Variants in DLGAP1 observed in about 807,000 individuals in gnomAD.
DLGAP1 encodes the protein DLG associated protein 1.
A neutral mutation model predicts 90.8 loss-of-function variants in DLGAP1; 11 were observed. The observed-to-expected ratio is 0.12, with a 90% CI of 0.08 to 0.20. The LOEUF (loss-of-function observed/expected upper bound fraction) is 0.20. Ranked by LOEUF, DLGAP1 falls within the 10% of genes least tolerant of loss-of-function variation. The pLI is 1.00. For missense variants in DLGAP1, 1,050 were observed against 1,333.8 expected (o/e 0.79, Z 3.31); for synonymous variants, 558 against 540.7 (o/e 1.03, Z -0.44).
At chr18:4,287,933 A>AG (rs1400613691) in intron 1 of DLGAP1, among the ~76,000 whole-genome samples, 1 of 152,170 alleles carries the variant, frequency 6.6e-6, no homozygotes, top group Non-Finnish European at 1.5e-5. Flanking sequence ...ACAAAGGCAG[A>AG]GGAGACTGCC....
chr18:3,928,011 T>C (rs1033695481), intron 3 of DLGAP1, among the ~76,000 whole-genome samples: 4 of 152,230 alleles, frequency 2.6e-5, no homozygotes, highest in African/African-American at 9.6e-5. Context: ...TGGGGAATTT[T>C]TGCCCCCTAA....
intron 3 of DLGAP1, among the ~76,000 whole-genome samples, chr18:4,002,838 T>C (rs867541382): frequency 6.6e-6 from 1 of 152,162 alleles, no homozygotes; most frequent in Admixed American, 6.5e-5. Flanking sequence ...AGAGAATATG[T>C]GCACAGTTCA....
intron 12 of DLGAP1, chr18:3,502,159 C>T (rs2049974210): frequency 8.7e-7 from 1 of 1,153,348 alleles, no homozygotes; most frequent in Admixed American, 4.4e-5. Flanking sequence ...GATTCATGCA[C>T]TGAAGATGTC....
intron 4 of DLGAP1, chr18:3,874,838 C>T (rs1200829635): frequency 7.7e-7 from 1 of 1,299,992 alleles, no homozygotes; most frequent in Non-Finnish European, 1.0e-6. Context: ...TTATTAACTG[C>T]AGACAGCTTG....
At chr18:4,013,024 G>A (rs1263788406) in intron 2 of DLGAP1, among the ~76,000 whole-genome samples, 2 of 152,066 alleles carry the variant, frequency 1.3e-5, no homozygotes, top group East Asian at 1.9e-4. Flanking sequence ...TTCTTCTATT[G>A]TGATTGCAAT....
intron 1 of DLGAP1, chr18:4,430,502 C>CTGTGTGTGTGTGTGCGTGTGTG (rs2083263203): frequency 7.0e-6 from 1 of 142,550 alleles, no homozygotes; most frequent in Non-Finnish European, 1.5e-5. Flanking sequence ...TCTTGTGTGT[C>CTGTGTGTGTGTGTGCGTGTGTG]TGTGTGTGTG....
At chr18:3,868,251 C>T (rs2070527132) in intron 4 of DLGAP1, among the ~76,000 whole-genome samples, 1 of 152,116 alleles carries the variant, frequency 6.6e-6, no homozygotes, top group African/African-American at 2.4e-5. Context: ...TTTCAGAAAG[C>T]TCAGGTTTCA....
At chr18:4,439,951 T>G (rs907059377) in intron 1 of DLGAP1, among the ~76,000 whole-genome samples, 4 of 150,242 alleles carry the variant, frequency 2.7e-5, no homozygotes, top group African/African-American at 9.8e-5. Context: ...ACCCCGTAGC[T>G]CTACTAAAAA....
intron 1 of DLGAP1, among the ~76,000 whole-genome samples, chr18:4,197,199 A>AAAAAAAAAAAAAAAAAAAAAAG (rs1555760529): frequency 6.9e-5 from 10 of 144,298 alleles, no homozygotes; most frequent in African/African-American, 2.4e-4. Context: ...AAAAAAAAAA[A>AAAAAAAAAAAAAAAAAAAAAAG]AAAAAAAAAG....
intron 4 of DLGAP1, among the ~76,000 whole-genome samples, chr18:3,815,347 A>C (rs1299753450): frequency 6.6e-6 from 1 of 151,838 alleles, no homozygotes; most frequent in East Asian, 1.9e-4. Flanking sequence ...AAAGGTTTCC[A>C]ATGATCTCCT....
chr18:3,661,110 C>G (rs1323824430), intron 7 of DLGAP1, among the ~76,000 whole-genome samples: 1 of 152,154 alleles, frequency 6.6e-6, no homozygotes, highest in Non-Finnish European at 1.5e-5. Flanking sequence ...GTTTCTTAGG[C>G]TGGTCTCAAA....
chr18:4,087,672 A>AGG, intron 2 of DLGAP1, among the ~76,000 whole-genome samples: 1 of 152,302 alleles, frequency 6.6e-6, no homozygotes, highest in Middle Eastern at 3.4e-3. Flanking sequence ...CCACTGGGTT[A>AGG]GGGTCTCCAT....
At chr18:3,741,165 C>CAT (rs2062972632) in intron 6 of DLGAP1, among the ~76,000 whole-genome samples, 1 of 97,316 alleles carries the variant, frequency 1.0e-5, no homozygotes, top group African/African-American at 4.2e-5. Flanking sequence ...ACCACCATCA[C>CAT]CACCACATCA....
At chr18:4,392,832 G>C (rs2082366050) in intron 1 of DLGAP1, among the ~76,000 whole-genome samples, 1 of 152,114 alleles carries the variant, frequency 6.6e-6, no homozygotes, top group Non-Finnish European at 1.5e-5. Flanking sequence ...AAACACTTGA[G>C]TCCTGATGCC....
chr18:3,874,937 A>G (rs946448314), intron 4 of DLGAP1, among the ~76,000 whole-genome samples: 1 of 152,202 alleles, frequency 6.6e-6, no homozygotes, highest in African/African-American at 2.4e-5. Flanking sequence ...TTCCTAAGTC[A>G]ATGTCAGGCA....
intron 1 of DLGAP1, among the ~76,000 whole-genome samples, chr18:4,211,498 GACAGAGAGTGAT>G (rs2077840092): frequency 6.6e-6 from 1 of 152,158 alleles, no homozygotes; most frequent in South Asian, 2.1e-4. Context: ...CTTTCCAAAT[GACAGAGAGTGAT>G]ACCAATTGAT....
chr18:3,630,754 T>G (rs993469976), intron 7 of DLGAP1, among the ~76,000 whole-genome samples: 3 of 152,114 alleles, frequency 2.0e-5, no homozygotes, highest in African/African-American at 7.2e-5. Flanking sequence ...ACACCATGTC[T>G]TATTACTATA....
intron 1 of DLGAP1, among the ~76,000 whole-genome samples, chr18:4,242,363 C>T (rs112400333): frequency 7.9e-5 from 12 of 152,158 alleles, no homozygotes; most frequent in South Asian, 2.1e-4. Context: ...AATCAGCTCT[C>T]GCAGCTGACT....
chr18:4,361,858 T>C (rs971018907), intron 1 of DLGAP1, among the ~76,000 whole-genome samples: 2 of 152,066 alleles, frequency 1.3e-5, no homozygotes, highest in Admixed American at 1.3e-4. Flanking sequence ...ATATCCAAAA[T>C]GAATAGAGAA....
Sources: allele counts gnomAD v4.1 joint callset (sites outside exome capture counted in the v4.1 genomes callset), GRCh38; gene constraint gnomAD v4.1.1; transcripts MANE v1.5; gene names NCBI Gene and HGNC (gene_info 2026-07-23, HGNC 2026-07-21).